The following SHISA9 variants were observed in gnomAD, a reference collection of about 807,000 sequenced individuals.
SHISA9 encodes the protein shisa family member 9.
A neutral mutation model predicts 38.0 loss-of-function variants in SHISA9; 13 were observed. The observed-to-expected ratio is 0.34, with a 90% CI of 0.22 to 0.54. The LOEUF (loss-of-function observed/expected upper bound fraction) is 0.54. Among genes scored for constraint, SHISA9 ranks in the 20% least tolerant of loss-of-function variants. SHISA9 has a pLI of 0.91. For missense variants in SHISA9, 538 were observed against 575.8 expected (o/e 0.93, Z 0.67); for synonymous variants, 275 against 242.0 (o/e 1.14, Z -1.27).
chr16:13,335,279 AG>A, the SHISA9 span, among the ~76,000 whole-genome samples: 3 of 152,224 alleles, frequency 2.0e-5, no homozygotes, highest in African/African-American at 7.2e-5. Context: ...TGGAGTTGAG[AG>A]GTGACAGACA....
chr16:13,353,739 G>T, the SHISA9 span, among the ~76,000 whole-genome samples: 1 of 152,128 alleles, frequency 6.6e-6, no homozygotes, highest in African/African-American at 2.4e-5. Context: ...GTATTGTCCA[G>T]TCCTTTTTAA....
rs551711832 is a variant in SHISA9, at chr16:12,957,971, A to T, written c.691+41156A>T. Reference sequence around the variant, plus strand: ...ATTTAAGCCTAATGACCTCCCCAAGATTCCACCTCCAAATACCATCGCAAT... The same window carrying T: ...ATTTAAGCCTAATGACCTCCCCAAGTTTCCACCTCCAAATACCATCGCAAT... On this transcript the variant is annotated intron_variant, in intron 2 of 4. Transcript: ENST00000558583. 6.2e-4 allele frequency among the ~76,000 whole-genome samples: 95 copies of T among 152,338 alleles called. 1 individual carries two copies. The highest frequency in any genetic ancestry group is 2.2e-3 in the African/African-American group (92 of 41,586).
At chr16:13,380,064 G>T in the SHISA9 span, among the ~76,000 whole-genome samples, 1 of 152,004 alleles carries the variant, frequency 6.6e-6, no homozygotes, top group African/African-American at 2.4e-5. Flanking sequence ...CTCAGAGGAA[G>T]TAGAACCGAA....
intron 1 of SHISA9, chr16:12,908,482 C>T (rs748358485): frequency 8.4e-6 from 13 of 1,552,172 alleles, no homozygotes; most frequent in African/African-American, 1.4e-5. Context: ...GAGGTAGGCT[C>T]TATGACAATC....
At chr16:13,554,502 CT>C in the SHISA9 span, among the ~76,000 whole-genome samples, 4 of 138,760 alleles carry the variant, frequency 2.9e-5, no homozygotes, top group African/African-American at 1.1e-4. Context: ...TTTTCTTTTT[CT>C]TTTCTTCTCT....
the SHISA9 span, among the ~76,000 whole-genome samples, chr16:13,342,145 A>T: frequency 6.6e-6 from 1 of 152,170 alleles, no homozygotes; most frequent in Non-Finnish European, 1.5e-5. Context: ...CCCTGATTAC[A>T]TGCTTACCCC....
chr16:13,388,310 AT>A, the SHISA9 span, among the ~76,000 whole-genome samples: 8,079 of 140,212 alleles, frequency 0.058, 240 homozygotes, highest in African/African-American at 0.1. Flanking sequence ...AATTTGGGGA[AT>A]TTTTTTTTTT....
At chr16:13,023,342 C>A (rs1567185605) in intron 2 of SHISA9, among the ~76,000 whole-genome samples, 1 of 152,142 alleles carries the variant, frequency 6.6e-6, no homozygotes, top group Admixed American at 6.5e-5. Context: ...CTGCAAAGGA[C>A]ATGAACTCAT....
At chr16:13,118,264 G>A (rs2074050896) in intron 2 of SHISA9, among the ~76,000 whole-genome samples, 1 of 151,868 alleles carries the variant, frequency 6.6e-6, no homozygotes, top group African/African-American at 2.4e-5. Flanking sequence ...GGTCAAGGTT[G>A]TGATAGAGGG....
rs574153096 is a variant in SHISA9, at chr16:13,117,751, A to G, written c.692-85643A>G. ...TTCTGGCCTCCAGAACTGAGAGGAA[A>G]AAAGTTCTGCTGTTTTAAGCCACTC... On this transcript the variant is annotated intron_variant, in intron 2 of 4. Coordinates refer to ENST00000558583, the MANE Select transcript of SHISA9 (RefSeq NM_001145204.3). 4.9e-4 allele frequency among the ~76,000 whole-genome samples: 74 copies of G among 152,236 alleles called. 2 individuals carry two copies. Among genetic ancestry groups the G allele is most frequent in the Non-Finnish European group, 5.6e-4 (38 of 68,038 alleles).
chr16:13,220,377 C>G (rs2051211723), intron 4 of SHISA9, among the ~76,000 whole-genome samples: 1 of 152,178 alleles, frequency 6.6e-6, no homozygotes, highest in Non-Finnish European at 1.5e-5. Flanking sequence ...GCAAGCACTT[C>G]TCCAAATGCC....
At chr16:13,469,415 A>AAAAGAAAGAAAG in the SHISA9 span, among the ~76,000 whole-genome samples, 135 of 122,548 alleles carry the variant, frequency 1.1e-3, no homozygotes, top group African/African-American at 4.0e-3. Flanking sequence ...GAAAGAAAGA[A>AAAAGAAAGAAAG]AGAAAGAAAA....
intron 2 of SHISA9, among the ~76,000 whole-genome samples, chr16:12,975,749 G>A (rs1219457283): frequency 6.6e-6 from 1 of 151,332 alleles, no homozygotes; most frequent in East Asian, 2.0e-4. Flanking sequence ...CTGGGAGGGG[G>A]GACTGGAAAA....
chr16:12,925,918 G>A (rs1567341337), intron 2 of SHISA9, among the ~76,000 whole-genome samples: 1 of 152,008 alleles, frequency 6.6e-6, no homozygotes, highest in Non-Finnish European at 1.5e-5. Flanking sequence ...TAGAGATGGG[G>A]TCTCGCTATG....
At position 13,213,306 on chromosome 16, in the gene SHISA9, G is replaced by A. The variant is rs1288541599; in HGVS notation, c.895+6G>A. On this transcript the variant is annotated splice_donor_region_variant and intron_variant, in intron 4 of 4. Transcript: ENST00000558583. ...GACACTTAAGTCACCAAAAGGTACTGTACAGCTTTTTCTAGCTCTTTTGTC... is the reference window on the plus strand; with the variant it reads ...GACACTTAAGTCACCAAAAGGTACTATACAGCTTTTTCTAGCTCTTTTGTC... The A allele has an allele frequency of 2.6e-6, 4 of 1,551,434 alleles. No individual in the cohort carries two copies. Among genetic ancestry groups the A allele is most frequent in the Middle Eastern group, 1.7e-4 (1 of 6,016 alleles).
chr16:12,939,315 C>T (rs2071578183), intron 2 of SHISA9, among the ~76,000 whole-genome samples: 1 of 152,176 alleles, frequency 6.6e-6, no homozygotes, highest in African/African-American at 2.4e-5. Flanking sequence ...AACTCCTGAC[C>T]TCAGGCAATC....
chr16:13,378,149 A>G, the SHISA9 span, among the ~76,000 whole-genome samples: 1 of 152,226 alleles, frequency 6.6e-6, no homozygotes, highest in Non-Finnish European at 1.5e-5. Flanking sequence ...TATGTTACTT[A>G]GGGATAGAAC....
chr16:13,197,154 T>G lies in SHISA9; in HGVS notation c.692-6240T>G, dbSNP rs558923265. Among the ~76,000 whole-genome samples the G allele has an allele frequency of 1.7e-3, 247 of 148,756 alleles. 1 individual carries two copies. The Middle Eastern group carries it at 0.028, about 17-fold the overall frequency. On this transcript the variant is annotated intron_variant, in intron 2 of 4. Coordinates refer to ENST00000558583, the MANE Select transcript of SHISA9 (RefSeq NM_001145204.3). ...ACACACACATATATGTGTATATATA[T>G]ATAGAGAGAGAGAGAGAGAGAGAGA... is the stretch of plus-strand genomic sequence containing the variant.
At chr16:13,553,966 T>C in the SHISA9 span, among the ~76,000 whole-genome samples, 1 of 151,816 alleles carries the variant, frequency 6.6e-6, no homozygotes, top group Non-Finnish European at 1.5e-5. Flanking sequence ...ACAAATAAAA[T>C]CCTATTAAAA....
Sources: gnomAD v4.1 joint callset for allele counts (sites outside exome capture counted in the v4.1 genomes callset) on GRCh38, gnomAD v4.1.1 for gene constraint, MANE v1.5 for transcripts, NCBI Gene and HGNC (gene_info 2026-07-23, HGNC 2026-07-21) for gene names.